Variants in PLCH1 observed in about 807,000 individuals in gnomAD.
PLCH1 encodes the protein phospholipase C eta 1.
In PLCH1, 60 loss-of-function variants were observed where a neutral mutation model predicts 126.7. The ratio of observed to expected loss-of-function variants is 0.47; its 90% confidence interval spans 0.38 to 0.59. The LOEUF is 0.59. Among genes scored for constraint, PLCH1 ranks in the 20% least tolerant of loss-of-function variants. PLCH1 has a pLI of 0.00. For missense variants in PLCH1, 1,723 were observed against 2,040.0 expected (o/e 0.84, Z 2.99); for synonymous variants, 719 against 734.9 (o/e 0.98, Z 0.35).
chr3:155,539,463 T>C (rs77642925), intron 10 of PLCH1, among the ~76,000 whole-genome samples: 9,157 of 152,202 alleles, frequency 0.06, 575 homozygotes, highest in African/African-American at 0.16. Flanking sequence ...GGAAGTCAAA[T>C]TGTTGCTGTT....
At chr3:155,591,504 C>G (rs1039111305) in intron 4 of PLCH1, among the ~76,000 whole-genome samples, 4 of 152,124 alleles carry the variant, frequency 2.6e-5, no homozygotes, top group Admixed American at 2.6e-4. Flanking sequence ...GATAAGAGAA[C>G]CCATGTGTTC....
intron 10 of PLCH1, among the ~76,000 whole-genome samples, chr3:155,544,630 C>A (rs1022091620): frequency 1.3e-5 from 2 of 152,140 alleles, no homozygotes; most frequent in South Asian, 2.1e-4. Flanking sequence ...TGACCACATA[C>A]TTGGAAGTAA....
At chr3:155,570,201 C>T (rs1025066304) in intron 6 of PLCH1, among the ~76,000 whole-genome samples, 17 of 152,134 alleles carry the variant, frequency 1.1e-4, no homozygotes, top group Non-Finnish European at 2.2e-4. Flanking sequence ...TAATTAATCT[C>T]CCAACAGCAA....
intron 2 of PLCH1, among the ~76,000 whole-genome samples, chr3:155,611,319 G>A (rs1159301955): frequency 1.3e-5 from 2 of 152,126 alleles, no homozygotes; most frequent in Non-Finnish European, 2.9e-5. Flanking sequence ...GAACCTGGGA[G>A]GCGGAGGTTG....
intron 2 of PLCH1, among the ~76,000 whole-genome samples, chr3:155,668,604 G>T (rs1743053646): frequency 6.6e-6 from 1 of 152,068 alleles, no homozygotes; most frequent in African/African-American, 2.4e-5. Flanking sequence ...TAAGAAACGT[G>T]AGCCTAGGCT....
At chr3:155,641,223 T>G (rs994183778) in intron 2 of PLCH1, among the ~76,000 whole-genome samples, 1 of 151,686 alleles carries the variant, frequency 6.6e-6, no homozygotes, top group South Asian at 2.1e-4. Flanking sequence ...AAAAACAAAC[T>G]CCTTTTAACA....
chr3:155,696,743 A>G (rs1745841585), intron 2 of PLCH1, among the ~76,000 whole-genome samples: 1 of 152,222 alleles, frequency 6.6e-6, no homozygotes, highest in African/African-American at 2.4e-5. Flanking sequence ...AAAATTACCA[A>G]TTCCAATTGC....
In PLCH1 at chr3:155,667,902, T is replaced by TAAAAA. The variant is rs766010793; in HGVS notation, c.79+36243_79+36244insTTTTT. ...CAACATGGCGAAACCCCATCTCTACTTAAAAAAAAAAAAAAAAAAAAAAAA... is the reference window on the plus strand; with the variant it reads ...CAACATGGCGAAACCCCATCTCTACTAAAAATAAAAAAAAAAAAAAAAAAAAAAAA... On this transcript the variant is annotated intron_variant, in intron 2 of 22. Transcript: ENST00000460012. Among the ~76,000 whole-genome samples, 6 of 95,126 alleles carry TAAAAA rather than the reference T, an allele frequency of 6.3e-5. 1 individual carries two copies. The East Asian group carries it at 1.8e-3, about 29-fold the overall frequency. 62.4% of individuals were successfully genotyped at this position (95,126 alleles called of 152,430 possible).
intron 2 of PLCH1, among the ~76,000 whole-genome samples, chr3:155,608,078 C>T (rs951911228): frequency 1.3e-5 from 2 of 152,114 alleles, no homozygotes; most frequent in Non-Finnish European, 2.9e-5. Context: ...AAGGAATTAA[C>T]CTTACCTAGA....
intron 15 of PLCH1, 116 bp from the exon 16 acceptor site, chr3:155,494,633 A>G: frequency 1.3e-6 from 1 of 785,492 alleles, no homozygotes; most frequent in Non-Finnish European, 2.0e-6. Context: ...AGAGCACTAG[A>G]GAGTGGATTC....
chr3:155,658,794 G>A (rs887530495), intron 2 of PLCH1, among the ~76,000 whole-genome samples: 4 of 152,074 alleles, frequency 2.6e-5, no homozygotes, highest in Non-Finnish European at 5.9e-5. Context: ...TATTCCTACC[G>A]ACAAGTATGC....
chr3:155,648,935 G>C lies in PLCH1; in HGVS notation c.80-52557C>G, dbSNP rs1404260352. Reference sequence around the variant, plus strand: ...AGAGTGCTGTGACAATGCCCAGGGAGGGGAGGCAGGGCCAACGACATAGGC... The same window carrying C: ...AGAGTGCTGTGACAATGCCCAGGGACGGGAGGCAGGGCCAACGACATAGGC... On this transcript the variant is annotated intron_variant, in intron 2 of 22. Coordinates refer to ENST00000460012, the MANE Select transcript of PLCH1 (RefSeq NM_014996.4). Among the ~76,000 whole-genome samples, 4 of 152,222 alleles carry C rather than the reference G, an allele frequency of 2.6e-5. No individual in the cohort carries two copies. The South Asian group carries it at 8.3e-4, about 32-fold the overall frequency.
intron 2 of PLCH1, among the ~76,000 whole-genome samples, chr3:155,607,799 G>C (rs546251439): frequency 6.6e-5 from 10 of 152,144 alleles, no homozygotes; most frequent in African/African-American, 2.2e-4. Context: ...AAATGGCAGA[G>C]AGAAGTCAGG....
At chr3:155,521,691 AC>A (rs1249644756) in intron 11 of PLCH1, among the ~76,000 whole-genome samples, 3 of 152,216 alleles carry the variant, frequency 2.0e-5, no homozygotes, top group African/African-American at 7.2e-5. Flanking sequence ...CAACAATAGG[AC>A]TATAAATGGT....
rs1035859026 is a variant in PLCH1 at position 155,480,341 on chromosome 3, C to T, written c.*627G>A. The T allele has an allele frequency of 6.6e-6, 1 of 152,596 alleles. No homozygotes were observed. Among genetic ancestry groups the T allele is most frequent in the Admixed American group, 6.5e-5 (1 of 15,268 alleles). 9.5% of individuals were successfully genotyped at this position (152,596 alleles called of 1,614,324 possible). ...TTTGTCCTTATGTACAAAAGACAGC[C>T]TTCTTCCTCACACCCTCACGGCCTA... On this transcript the variant is annotated 3_prime_UTR_variant, in exon 23 of 23. Coordinates refer to ENST00000460012, the MANE Select transcript of PLCH1 (RefSeq NM_014996.4).
chr3:155,672,789 T>C (rs1743659951), intron 2 of PLCH1, among the ~76,000 whole-genome samples: 1 of 152,216 alleles, frequency 6.6e-6, no homozygotes, highest in African/African-American at 2.4e-5. Context: ...GCAGCAGTTA[T>C]GAATTCTACA....
rs777162193 is a variant in PLCH1, at chr3:155,481,065, T to C, written c.4961A>G (p.Tyr1654Cys). The C allele has an allele frequency of 3.1e-6, 5 of 1,614,028 alleles. No homozygotes were observed. The highest frequency in any genetic ancestry group is 1.1e-5 in the South Asian group (1 of 91,084). Reference sequence around the variant, plus strand: ...TGAACAAAACTGGTCAACGTGGCCATAGTGAAGAGCCGTGCATGCCCCCTC... The same window carrying C: ...TGAACAAAACTGGTCAACGTGGCCACAGTGAAGAGCCGTGCATGCCCCCTC... ...IPEGACTALH[Y>C]GHVDQFCSDN... Residue 1654 changes from tyrosine (Y) to cysteine (C), a missense_variant, in exon 23 of 23, where the codon TAT becomes TGT. Around this residue, in one of 2 missense-constraint regions of PLCH1, gnomAD observed 947 missense variants for 977.1 expected, o/e 0.97. Coordinates refer to ENST00000460012, the MANE Select transcript of PLCH1 (RefSeq NM_014996.4). The surrounding 1 kb of genome is among the most constrained non-coding windows in gnomAD (Gnocchi z 4.2).
intron 11 of PLCH1, among the ~76,000 whole-genome samples, chr3:155,515,745 C>T (rs750676629): frequency 2.0e-5 from 3 of 152,214 alleles, no homozygotes; most frequent in Non-Finnish European, 4.4e-5. Flanking sequence ...GTGCACCTAC[C>T]TCTCCCTGTT....
In PLCH1 at chr3:155,530,329, CT is replaced by C. The variant is rs764111486; in HGVS notation, c.1363-6326del. Among the ~76,000 whole-genome samples the C allele has an allele frequency of 8.6e-3, 1,230 of 142,606 alleles. 4 individuals are homozygous for C. Among genetic ancestry groups the C allele is most frequent in the African/African-American group, 7.8e-3 (306 of 39,340 alleles). The allele number at this position is 142,606 out of a possible 152,430, so 93.6% of individuals were successfully genotyped here. A position where few individuals can be genotyped will look rare whatever the true frequency, so the allele number is the denominator to read the frequency against. On this transcript the variant is annotated intron_variant, in intron 10 of 22. Transcript: ENST00000460012. Reference sequence around the variant, plus strand: ...TTGCAGCAATCTTCAGGCTCCACTTCTTTTTTTTTTTTTTGAGATGGAGTCT... The same window carrying C: ...TTGCAGCAATCTTCAGGCTCCACTTCTTTTTTTTTTTTTGAGATGGAGTCT...
Sources: allele counts gnomAD v4.1 joint callset (sites outside exome capture counted in the v4.1 genomes callset), GRCh38; gene constraint gnomAD v4.1.1; regional missense constraint gnomAD v4.1.1; non-coding constraint Gnocchi (gnomAD v3.1); transcripts MANE v1.5; gene names NCBI Gene and HGNC (gene_info 2026-07-23, HGNC 2026-07-21).